The following INPP5A variants were observed in gnomAD, a reference collection of about 807,000 sequenced individuals.
The protein encoded by INPP5A is 43 kDa inositol polyphosphate 5-phophatase.
In INPP5A, 14 loss-of-function variants were observed where a neutral mutation model predicts 65.2. The observed-to-expected ratio is 0.21, with a 90% CI of 0.14 to 0.34. The LOEUF (loss-of-function observed/expected upper bound fraction) is 0.34, where lower values mean the gene tolerates loss of function less well. Ranked by LOEUF, INPP5A falls within the 10% of genes least tolerant of loss-of-function variation. INPP5A has a pLI of 1.00. For missense variants in INPP5A, 431 were observed against 545.6 expected, an observed-to-expected ratio of 0.79 and a Z score of 2.09; for synonymous variants, 207 against 208.3, an observed-to-expected ratio of 0.99 and a Z score of 0.05.
chr10:132,617,267 C>T (rs994320116), intron 2 of INPP5A, among the ~76,000 whole-genome samples: 4 of 152,130 alleles, frequency 2.6e-5, no homozygotes, highest in Non-Finnish European at 4.4e-5. Context: ...GCAGACAGTC[C>T]CCGCCCTTCA....
At chr10:132,699,207 G>GT (rs1845395962) in intron 6 of INPP5A, among the ~76,000 whole-genome samples, 1 of 152,172 alleles carries the variant, frequency 6.6e-6, no homozygotes, top group Non-Finnish European at 1.5e-5. Context: ...CGGGGGCTGT[G>GT]GTGCAGGCCC....
At chr10:132,658,793 G>A (rs529010285) in intron 4 of INPP5A, among the ~76,000 whole-genome samples, 7 of 152,162 alleles carry the variant, frequency 4.6e-5, no homozygotes, top group African/African-American at 1.7e-4. Context: ...CAAGACCACC[G>A]AGACTGCTGA....
rs944481486 is a variant in INPP5A at position 132,678,141 on chromosome 10, G to A, written c.307-12251G>A. On this transcript the variant is annotated intron_variant, in intron 4 of 15. Coordinates refer to ENST00000368594, the MANE Select transcript of INPP5A (RefSeq NM_005539.5). This position sits in a 1 kb window ranked among gnomAD's most constrained non-coding sequence, Gnocchi z 4.1. ...AAGTCAGTGCTTTGTAAATAAGTCA[G>A]CTGTCATTTTGTGGTGGTCACGGAG... is the stretch of plus-strand genomic sequence containing the variant. 5.9e-5 allele frequency among the ~76,000 whole-genome samples: 9 copies of A among 152,200 alleles called. No individual in the cohort carries two copies. The highest frequency in any genetic ancestry group is 2.2e-4 in the African/African-American group (9 of 41,462).
chr10:132,591,217 C>CATTTGTCTTTTG (rs2071615250), intron 1 of INPP5A, among the ~76,000 whole-genome samples: 1 of 152,194 alleles, frequency 6.6e-6, no homozygotes, highest in Non-Finnish European at 1.5e-5. Context: ...ACCAGTTTGA[C>CATTTGTCTTTTG]ATTTGTCTTT....
At chr10:132,646,044 A>G (rs989077771) in intron 3 of INPP5A, 76 bp downstream of exon 3, 2 of 911,584 alleles carry the variant, frequency 2.2e-6, no homozygotes, top group Non-Finnish European at 3.5e-6. Flanking sequence ...TTTTCATGGT[A>G]CTATGATCAC....
At position 132,538,204 on chromosome 10, in the gene INPP5A, C is replaced by T. The variant is rs768269758; in HGVS notation, c.75+33C>T. ...CCCCGTGCCGGCGGCAGGCCCCAAG[C>T]CCGGAACCCCCGACCCTGACCCCGG... On this transcript the variant is annotated intron_variant, in intron 1 of 15. Coordinates refer to ENST00000368594, the MANE Select transcript of INPP5A (RefSeq NM_005539.5). This position sits in a 1 kb window ranked among gnomAD's most constrained non-coding sequence, Gnocchi z 4.1. The T allele has an allele frequency of 1.1e-4, 130 of 1,222,232 alleles. No individual in the cohort carries two copies. The highest frequency in any genetic ancestry group is 1.3e-4 in the Non-Finnish European group (128 of 967,806). The allele number at this position is 1,222,232 out of a possible 1,614,324, so 75.7% of individuals were successfully genotyped here. A position where few individuals can be genotyped will look rare whatever the true frequency, so the allele number is the denominator to read the frequency against.
intron 1 of INPP5A, among the ~76,000 whole-genome samples, chr10:132,567,503 G>T (rs1481484032): frequency 6.6e-6 from 1 of 152,210 alleles, no homozygotes; most frequent in African/African-American, 2.4e-5. Flanking sequence ...TGGTTCCTAT[G>T]TTTCCCCTGA....
intron 8 of INPP5A, among the ~76,000 whole-genome samples, chr10:132,721,768 G>A (rs1435186061): frequency 1.3e-5 from 2 of 151,790 alleles, no homozygotes; most frequent in Admixed American, 6.6e-5. Context: ...GTTCTGTCTG[G>A]GCACCTGAGA....
intron 8 of INPP5A, among the ~76,000 whole-genome samples, chr10:132,721,906 C>CCCCCCCAT (rs1355463780): frequency 1.4e-4 from 21 of 152,094 alleles, no homozygotes; most frequent in Non-Finnish European, 1.5e-5. Context: ...GTAGAGCTCA[C>CCCCCCCAT]AGTGGGTGGA....
chr10:132,763,121 G>A (rs530006014), intron 11 of INPP5A, among the ~76,000 whole-genome samples: 2 of 152,324 alleles, frequency 1.3e-5, no homozygotes, highest in Admixed American at 6.5e-5. Flanking sequence ...CTGAAATCTC[G>A]AAACATGTTG....
chr10:132,542,844 C>T (rs530670544), intron 1 of INPP5A, among the ~76,000 whole-genome samples: 11 of 152,336 alleles, frequency 7.2e-5, no homozygotes, highest in South Asian at 6.2e-4. Flanking sequence ...CATTCTGTCA[C>T]CCAGGCTGGA....
chr10:132,640,748 C>T (rs1423750099), intron 2 of INPP5A, among the ~76,000 whole-genome samples: 3 of 152,200 alleles, frequency 2.0e-5, no homozygotes, highest in Admixed American at 6.5e-5. Flanking sequence ...TTAGTTGATG[C>T]GTGTCTCTGT....
At chr10:132,581,183 G>A (rs979411197) in intron 1 of INPP5A, among the ~76,000 whole-genome samples, 9 of 152,122 alleles carry the variant, frequency 5.9e-5, no homozygotes, top group Non-Finnish European at 8.8e-5. Context: ...ATTCTTCTCC[G>A]AACCAGAGGT....
At position 132,704,485 on chromosome 10, in the gene INPP5A, G is replaced by A. The variant is rs908597111; in HGVS notation, c.475-3828G>A. Among the ~76,000 whole-genome samples the A allele has an allele frequency of 2.0e-5, 3 of 152,198 alleles. No homozygotes were observed. Among genetic ancestry groups the A allele is most frequent in the South Asian group, 2.1e-4 (1 of 4,834 alleles). ...GCCTGTGTGTTGGACGCCAGCCCGC[G>A]GCGGCTGCTGGTGCGCAGAGCCACC... On this transcript the variant is annotated intron_variant, in intron 6 of 15. Transcript: ENST00000368594. This position sits in a 1 kb window ranked among gnomAD's most constrained non-coding sequence, Gnocchi z 4.5.
chr10:132,661,606 C>T (rs935319617), intron 4 of INPP5A, among the ~76,000 whole-genome samples: 6 of 152,060 alleles, frequency 3.9e-5, no homozygotes, highest in Non-Finnish European at 8.8e-5. Context: ...TGTCATTTCT[C>T]CCCAAATTGA....
chr10:132,714,413 C>A (rs1348390068), intron 8 of INPP5A, among the ~76,000 whole-genome samples: 2 of 152,248 alleles, frequency 1.3e-5, no homozygotes, highest in Non-Finnish European at 2.9e-5. Flanking sequence ...CAGGACAATG[C>A]CGCGCGGCCT....
intron 1 of INPP5A, among the ~76,000 whole-genome samples, chr10:132,606,443 C>T (rs2071853342): frequency 6.6e-6 from 1 of 152,192 alleles, no homozygotes; most frequent in Non-Finnish European, 1.5e-5. Flanking sequence ...TGGGGGTGCT[C>T]AGAGCCGCAG....
chr10:132,642,712 C>T (rs535265276), intron 2 of INPP5A, among the ~76,000 whole-genome samples: 7 of 152,268 alleles, frequency 4.6e-5, no homozygotes, highest in African/African-American at 1.2e-4. Context: ...CAAGCTGTCC[C>T]GCTTTAAATT....
At chr10:132,643,090 A>G (rs2072447308) in intron 2 of INPP5A, among the ~76,000 whole-genome samples, 2 of 152,356 alleles carry the variant, frequency 1.3e-5, no homozygotes, top group Non-Finnish European at 2.9e-5. Context: ...TTCAAATACT[A>G]TTAATTAGCA....
Sources: allele counts gnomAD v4.1 joint callset (sites outside exome capture counted in the v4.1 genomes callset), GRCh38; gene constraint gnomAD v4.1.1; non-coding constraint Gnocchi (gnomAD v3.1); transcripts MANE v1.5; gene names NCBI Gene and HGNC (gene_info 2026-07-23, HGNC 2026-07-21).